FGFR2: variants seen among roughly 807,000 people sequenced by gnomAD.
The protein encoded by FGFR2 is BEK fibroblast growth factor receptor.
FGFR2 carries 19 observed loss-of-function variants against 95.9 expected under a neutral mutation model. The observed-to-expected ratio is 0.20, with a 90% CI of 0.14 to 0.29. FGFR2 has a LOEUF of 0.29. Ranked by LOEUF, FGFR2 falls within the 10% of genes least tolerant of loss-of-function variation. The probability of loss-of-function intolerance (pLI) is 1.00; values close to 1 mark genes in which losing one functional copy is unlikely to be tolerated. For synonymous variants in FGFR2, 392 were observed against 393.3 expected (o/e 1.00, Z 0.04); for missense variants, 707 against 1,056.9 (o/e 0.67, Z 4.59).
At chr10:121,546,183 A>AT (rs1554945105) in intron 5 of FGFR2, among the ~76,000 whole-genome samples, 1 of 85,960 alleles carries the variant, frequency 1.2e-5, no homozygotes, top group Non-Finnish European at 2.7e-5. Context: ...TAACCTCTTT[A>AT]TTAAAAAAAA....
rs3036011 is a variant in FGFR2 at position 121,555,371 on chromosome 10, CTCAATCAATCAA to C, written c.455-3924_455-3913del. 6.3e-5 allele frequency among the ~76,000 whole-genome samples: 9 copies of C among 142,806 alleles called. No homozygotes were observed. The East Asian group carries it at 8.0e-4, about 13-fold the overall frequency. The allele number at this position is 142,806 out of a possible 152,430, so 93.7% of individuals were successfully genotyped here. A position where few individuals can be genotyped will look rare whatever the true frequency, so the allele number is the denominator to read the frequency against. On this transcript the variant is annotated intron_variant, in intron 4 of 17. Transcript: ENST00000358487. ...CTGGGCGACAAGAGCAAAACTCTGT[CTCAATCAATCAA>C]TCAATCAATCAATCAATCAAATGAA...
intron 13 of FGFR2, among the ~76,000 whole-genome samples, chr10:121,493,763 C>T (rs1846430763): frequency 6.6e-6 from 1 of 152,112 alleles, no homozygotes; most frequent in Admixed American, 6.5e-5. Flanking sequence ...CTGCTGCCTG[C>T]AGCTTCTTCA....
intron 9 of FGFR2, among the ~76,000 whole-genome samples, chr10:121,508,613 C>T (rs1848624738): frequency 1.3e-5 from 2 of 152,022 alleles, no homozygotes; most frequent in Non-Finnish European, 2.9e-5. Flanking sequence ...AATAAGAAAG[C>T]CTTTATCAAC....
At chr10:121,529,269 T>C (rs182163882) in intron 6 of FGFR2, among the ~76,000 whole-genome samples, 39 of 152,138 alleles carry the variant, frequency 2.6e-4, no homozygotes, top group African/African-American at 9.4e-4. Context: ...ACACCACGCC[T>C]GGCTAATTTT....
chr10:121,539,626 A>C (rs1393791330), intron 5 of FGFR2, among the ~76,000 whole-genome samples: 1 of 152,222 alleles, frequency 6.6e-6, no homozygotes, highest in East Asian at 1.9e-4. Flanking sequence ...ATCTGAATCC[A>C]AGTCATTCTC....
At chr10:121,585,938 T>C (rs1861756083) in intron 2 of FGFR2, among the ~76,000 whole-genome samples, 1 of 152,236 alleles carries the variant, frequency 6.6e-6, no homozygotes, top group Admixed American at 6.5e-5. Flanking sequence ...GCAATCCCAC[T>C]GTCAACTGAA....
rs1845316148 is a variant in FGFR2, at chr10:121,485,667, T to C, written c.2058-135A>G. On this transcript the variant is annotated intron_variant, in intron 15 of 17. Transcript: ENST00000358487. This position sits in a 1 kb window ranked among gnomAD's most constrained non-coding sequence, Gnocchi z 4.2. ...ATGGGCCCTCCTGCAGTTCCTCCTA[T>C]GTGCTCTTTCCTGCCCTGCAAGAGC... 4.4e-6 allele frequency: 5 copies of C among 1,127,710 alleles called. No homozygotes were observed. In the Admixed American group the frequency reaches 5.9e-5, roughly 13 times the overall value. 69.9% of individuals were successfully genotyped at this position (1,127,710 alleles called of 1,614,324 possible). A position where few individuals can be genotyped will look rare whatever the true frequency, so the allele number is the denominator to read the frequency against.
In FGFR2 at chr10:121,584,987, G is replaced by C. The variant is rs1219651; in HGVS notation, c.109+8722C>G. On this transcript the variant is annotated intron_variant, in intron 2 of 17. Transcript: ENST00000358487. The stretch of plus-strand genomic sequence containing the variant: ...CTCCATCCCGCACCCCACCCCAACC[G>C]ATTCCATAACCCCTCTCCAATGTTC... Among the ~76,000 whole-genome samples the C allele has an allele frequency of 1.5e-5, 2 of 132,372 alleles. 1 individual carries two copies. Among genetic ancestry groups the C allele is most frequent in the South Asian group, 5.1e-4 (2 of 3,938 alleles). 86.8% of individuals were successfully genotyped at this position (132,372 alleles called of 152,430 possible).
intron 13 of FGFR2, among the ~76,000 whole-genome samples, chr10:121,488,694 G>A (rs897420593): frequency 1.3e-5 from 2 of 152,158 alleles, no homozygotes; most frequent in African/African-American, 2.4e-5. Context: ...TTTGAAGAGC[G>A]AAGGTAGACT....
rs768068971 is a variant in FGFR2 at position 121,593,803 on chromosome 10, A to G, written c.15T>C (p.Gly5=). The G allele has an allele frequency of 6.2e-7, 1 of 1,613,798 alleles. No individual in the cohort carries two copies. Among genetic ancestry groups the G allele is most frequent in the Non-Finnish European group, 8.5e-7 (1 of 1,179,964 alleles). The change falls in exon 2 of 18, where the codon GGT becomes GGC. Residue 5 remains glycine, a synonymous_variant. Transcript: ENST00000358487. ...TGACCACGACCAGGCAGATGAAACG[A>G]CCCCAGCTGACCATGGTTACGGTAC... is the stretch of plus-strand genomic sequence containing the variant. The part of the protein sequence containing the change: MVSW[G]RFICLVVVTM...
intron 2 of FGFR2, among the ~76,000 whole-genome samples, chr10:121,585,448 A>G (rs1231280562): frequency 6.6e-6 from 1 of 152,250 alleles, no homozygotes; most frequent in African/African-American, 2.4e-5. Flanking sequence ...GGAAGAAATC[A>G]GCATTTAATG....
chr10:121,570,971 G>A (rs1370154767), intron 2 of FGFR2, among the ~76,000 whole-genome samples: 1 of 151,976 alleles, frequency 6.6e-6, no homozygotes, highest in Non-Finnish European at 1.5e-5. Flanking sequence ...TACCAGCAGC[G>A]TGTTAGCAAG....
intron 1 of FGFR2, among the ~76,000 whole-genome samples, chr10:121,597,569 G>A (rs1290265557): frequency 2.6e-5 from 4 of 152,244 alleles, no homozygotes; most frequent in African/African-American, 4.8e-5. Context: ...CACGGATGGG[G>A]CACCTCGGAG....
intron 4 of FGFR2, among the ~76,000 whole-genome samples, chr10:121,551,742 T>G (rs1400514764): frequency 6.6e-6 from 1 of 152,108 alleles, no homozygotes; most frequent in African/African-American, 2.4e-5. Flanking sequence ...AATAATTTCA[T>G]GCCAAATCAT....
Position 121,559,129 on chromosome 10 carries a change from A to C in FGFR2, c.454+5373T>G, listed in dbSNP as rs1268380765. ...AAAAGGAGAAAAAAAAAAAAAAAAAAAAAACTCAAAAAAGCCCAAAAACGT... is the reference window on the plus strand; with the variant it reads ...AAAAGGAGAAAAAAAAAAAAAAAAACAAAACTCAAAAAAGCCCAAAAACGT... On this transcript the variant is annotated intron_variant, in intron 4 of 17. Coordinates refer to ENST00000358487, the MANE Select transcript of FGFR2 (RefSeq NM_000141.5). Among the ~76,000 whole-genome samples, 7 of 151,612 alleles carry C rather than the reference A, an allele frequency of 4.6e-5. 1 individual carries two copies. The highest frequency in any genetic ancestry group is 7.3e-5 in the African/African-American group (3 of 41,336).
chr10:121,551,931 G>A (rs918232075), intron 4 of FGFR2, among the ~76,000 whole-genome samples: 1 of 151,884 alleles, frequency 6.6e-6, no homozygotes, highest in Non-Finnish European at 1.5e-5. Context: ...TACTTTAAGG[G>A]CAATCAATAG....
In FGFR2 at chr10:121,544,078, C is replaced by A. The variant is rs376822849; in HGVS notation, c.625-5363G>T. Among the ~76,000 whole-genome samples, 24 of 152,290 alleles carry A rather than the reference C, an allele frequency of 1.6e-4. No individual in the cohort carries two copies. In the East Asian group the frequency reaches 4.1e-3, roughly 26 times the overall value. On this transcript the variant is annotated intron_variant, in intron 5 of 17. Transcript: ENST00000358487. ...AAGGACTGGGACAGATACTTGTACA[C>A]CAATTGCTACAATGGCTATTCACAA...
At chr10:121,504,090 A>T (rs1847958622) in intron 9 of FGFR2, 149 bp from the exon 10 acceptor site, 1 of 841,756 alleles carries the variant, frequency 1.2e-6, no homozygotes. Context: ...AAACCACTGG[A>T]ATCTAACTCC....
Position 121,559,111 on chromosome 10 carries a change from GAAAAAAAAAAAA to G in FGFR2, c.454+5379_454+5390del, listed in dbSNP as rs904279035. Among the ~76,000 whole-genome samples the G allele has an allele frequency of 9.1e-5, 5 of 55,238 alleles. No homozygotes were observed. In the South Asian group the frequency reaches 3.0e-3, roughly 33 times the overall value. 36.2% of individuals were successfully genotyped at this position (55,238 alleles called of 152,430 possible). A position where few individuals can be genotyped will look rare whatever the true frequency, so the allele number is the denominator to read the frequency against. On this transcript the variant is annotated intron_variant, in intron 4 of 17. Coordinates refer to ENST00000358487, the MANE Select transcript of FGFR2 (RefSeq NM_000141.5). ...TTTTCAATGTCTCAATCCAAAAGGA[GAAAAAAAAAAAA>G]AAAAAAAAAACTCAAAAAAGCCCAA... is the stretch of plus-strand genomic sequence containing the variant.
Sources: gnomAD v4.1 joint callset for allele counts (sites outside exome capture counted in the v4.1 genomes callset) on GRCh38, gnomAD v4.1.1 for gene constraint, Gnocchi (gnomAD v3.1) non-coding constraint, MANE v1.5 for transcripts, NCBI Gene and HGNC (gene_info 2026-07-23, HGNC 2026-07-21) for gene names.